RFTN1: variants seen among roughly 807,000 people sequenced by gnomAD.
RFTN1 encodes raftlin, lipid raft linker 1, also known as raftlin.
Under a neutral mutation model 46.5 loss-of-function variants are expected in RFTN1, and 26 were observed. That is an observed-to-expected ratio of 0.56 (90% CI 0.41 to 0.78). The LOEUF is 0.78. RFTN1 is among the 30% of genes least tolerant of loss of function. RFTN1 has a pLI of 0.00. For missense variants in RFTN1, 693 were observed against 718.7 expected, an observed-to-expected ratio of 0.96 and a Z score of 0.41; for synonymous variants, 261 against 284.2, an observed-to-expected ratio of 0.92 and a Z score of 0.82.
rs148308891 is a variant in RFTN1 at position 16,448,357 on chromosome 3, C to CA, written c.146-14321dup. Among the ~76,000 whole-genome samples, 1,743 of 149,694 alleles carry CA rather than the reference C, an allele frequency of 0.012. 38 individuals are homozygous for CA. The highest frequency in any genetic ancestry group is 0.04 in the African/African-American group (1,647 of 40,860). ...TAAACAGATGCATTTTCTTACAGTC[C>CA]AAAAAAAAACATGATCCCTTGTTGA... On this transcript the variant is annotated intron_variant, in intron 2 of 9. Coordinates refer to ENST00000334133, the MANE Select transcript of RFTN1 (RefSeq NM_015150.2). This position sits in a 1 kb window ranked among gnomAD's most constrained non-coding sequence, Gnocchi z 4.1.
Position 16,452,397 on chromosome 3 carries a change from C to T in RFTN1, c.146-18360G>A, listed in dbSNP as rs2075835331. Among the ~76,000 whole-genome samples, 1 of 152,134 alleles carries T rather than the reference C, an allele frequency of 6.6e-6. No homozygotes were observed. The highest frequency in any genetic ancestry group is 2.4e-5 in the African/African-American group (1 of 41,422). The stretch of plus-strand genomic sequence containing the variant: ...TTTGTAAACATCTAAAGTCTCCCTC[C>T]ATCTTCACAATGTTGATTGAAATGC... On this transcript the variant is annotated intron_variant, in intron 2 of 9. Coordinates refer to ENST00000334133, the MANE Select transcript of RFTN1 (RefSeq NM_015150.2). The surrounding 1 kb of genome is among the most constrained non-coding windows in gnomAD (Gnocchi z 6.3).
At chr3:16,476,200 A>G (rs1172113965) in intron 2 of RFTN1, among the ~76,000 whole-genome samples, 1 of 152,234 alleles carries the variant, frequency 6.6e-6, no homozygotes, top group African/African-American at 2.4e-5. Context: ...CTCAAGATGG[A>G]GAAGGCAGAG....
chr3:16,389,742 T>C (rs1281245419), intron 4 of RFTN1, among the ~76,000 whole-genome samples: 1 of 152,206 alleles, frequency 6.6e-6, no homozygotes, highest in Admixed American at 6.5e-5. Context: ...ACAACAATAT[T>C]TCTCATTCCA....
chr3:16,494,652 A>T (rs2076595591), intron 1 of RFTN1, among the ~76,000 whole-genome samples: 1 of 152,242 alleles, frequency 6.6e-6, no homozygotes, highest in Admixed American at 6.5e-5. Context: ...TGGGCACATT[A>T]AGGTGAGCTG....
chr3:16,333,247 A>G (rs1410509917), intron 7 of RFTN1, among the ~76,000 whole-genome samples: 1 of 152,242 alleles, frequency 6.6e-6, no homozygotes, highest in East Asian at 1.9e-4. Flanking sequence ...GTGTACCACA[A>G]AAAGGACACT....
rs1029276153 is a variant in RFTN1 at position 16,479,441 on chromosome 3, T to C, written c.145+14284A>G. Reference sequence around the variant, plus strand: ...GAAACAGTGGTAAGAAAAGAAACAGTTGGATCACCAGTCTGAGGGATATGG... The same window carrying C: ...GAAACAGTGGTAAGAAAAGAAACAGCTGGATCACCAGTCTGAGGGATATGG... On this transcript the variant is annotated intron_variant, in intron 2 of 9. Coordinates refer to ENST00000334133, the MANE Select transcript of RFTN1 (RefSeq NM_015150.2). The surrounding 1 kb of genome is among the most constrained non-coding windows in gnomAD (Gnocchi z 5.1). Among the ~76,000 whole-genome samples the C allele has an allele frequency of 4.6e-5, 7 of 152,236 alleles. No homozygotes were observed. The highest frequency in any genetic ancestry group is 7.3e-5 in the Non-Finnish European group (5 of 68,048).
At position 16,321,424 on chromosome 3, in the gene RFTN1, A is replaced by G. The variant is rs1032860323; in HGVS notation, c.1332+1952T>C. On this transcript the variant is annotated intron_variant, in intron 9 of 9. Transcript: ENST00000334133. The surrounding 1 kb of genome is among the most constrained non-coding windows in gnomAD (Gnocchi z 4.8). Reference sequence around the variant, plus strand: ...GCTTCAGGGAGTGGGGGTGGTCCCAACATCCGGGCTGCAAGAGCTCAGGCA... The same window carrying G: ...GCTTCAGGGAGTGGGGGTGGTCCCAGCATCCGGGCTGCAAGAGCTCAGGCA... Among the ~76,000 whole-genome samples the G allele has an allele frequency of 1.3e-5, 2 of 152,186 alleles. No homozygotes were observed. Among genetic ancestry groups the G allele is most frequent in the Non-Finnish European group, 2.9e-5 (2 of 68,026 alleles).
Position 16,377,720 on chromosome 3 carries a change from C to A in RFTN1, c.824G>T (p.Gly275Val), listed in dbSNP as rs753544914. 6.3e-7 allele frequency: 1 copy of A among 1,588,216 alleles called. No individual in the cohort carries two copies. The highest frequency in any genetic ancestry group is 2.3e-5 in the East Asian group (1 of 44,314). Reference sequence around the variant, plus strand: ...ACTCCCATTGCTGACATACTTACTCCCTGAGAGTGGCTCTTCATGCACCTC... The same window carrying A: ...ACTCCCATTGCTGACATACTTACTCACTGAGAGTGGCTCTTCATGCACCTC... ...PLEVHEEPLS[G>V]KMEIFTLFNK... Residue 275 changes from glycine to valine, a missense_variant and splice_region_variant, in exon 5 of 10, where the codon GGG (glycine) becomes GTG (valine). Transcript: ENST00000334133.
At position 16,433,185 on chromosome 3, in the gene RFTN1, TAA is replaced by T. The variant is rs1553595285; in HGVS notation, c.332+664_332+665del. ...TCCCATCCTCACTGTTTTTTTTTTT[TAA>T]AAAAATTAATATTGTTCCTTTTGAA... On this transcript the variant is annotated intron_variant, in intron 3 of 9. Coordinates refer to ENST00000334133, the MANE Select transcript of RFTN1 (RefSeq NM_015150.2). This position sits in a 1 kb window ranked among gnomAD's most constrained non-coding sequence, Gnocchi z 4.4. 0.021 allele frequency among the ~76,000 whole-genome samples: 3,168 copies of T among 150,214 alleles called. 112 individuals carry two copies. Among genetic ancestry groups the T allele is most frequent in the African/African-American group, 0.073 (2,997 of 40,886 alleles).
rs147518081 is a variant in RFTN1, at chr3:16,337,971, T to C, written c.1147-11095A>G. Among the ~76,000 whole-genome samples, 4,858 of 152,198 alleles carry C rather than the reference T, an allele frequency of 0.032. 126 individuals are homozygous for C. The highest frequency in any genetic ancestry group is 0.082 in the Middle Eastern group (24 of 294). Reference sequence around the variant, plus strand: ...GCCCAGCAGTGCCACCAGCTTGCCCTGGAAGAGAGAGATAAAAACCCACAC... The same window carrying C: ...GCCCAGCAGTGCCACCAGCTTGCCCCGGAAGAGAGAGATAAAAACCCACAC... On this transcript the variant is annotated intron_variant, in intron 7 of 9. Coordinates refer to ENST00000334133, the MANE Select transcript of RFTN1 (RefSeq NM_015150.2). This position sits in a 1 kb window ranked among gnomAD's most constrained non-coding sequence, Gnocchi z 5.0.
chr3:16,472,321 C>T (rs373162174), intron 2 of RFTN1, among the ~76,000 whole-genome samples: 46 of 151,888 alleles, frequency 3.0e-4, no homozygotes, highest in African/African-American at 1.0e-3. Flanking sequence ...TCCCTGTGAC[C>T]GAGTGAAGGG....
chr3:16,359,451 C>G (rs1355431067), intron 6 of RFTN1, among the ~76,000 whole-genome samples: 1 of 152,154 alleles, frequency 6.6e-6, no homozygotes, highest in Non-Finnish European at 1.5e-5. Flanking sequence ...CCTCCTTTAA[C>G]TAGGGTAGGA....
rs2072110225 is a variant in RFTN1 at position 16,351,654 on chromosome 3, C to T, written c.1146+6278G>A. ...TAGGATGCTCATGCCCTTCTGACCT[C>T]ACCAACTGAGCACTTCAGGGGTAAG... is the stretch of plus-strand genomic sequence containing the variant. On this transcript the variant is annotated intron_variant, in intron 7 of 9. Transcript: ENST00000334133. This position sits in a 1 kb window ranked among gnomAD's most constrained non-coding sequence, Gnocchi z 5.4. Among the ~76,000 whole-genome samples the T allele has an allele frequency of 6.6e-6, 1 of 152,146 alleles. No individual in the cohort carries two copies. Among genetic ancestry groups the T allele is most frequent in the Non-Finnish European group, 1.5e-5 (1 of 68,010 alleles).
At chr3:16,454,101 C>T (rs2075864469) in intron 2 of RFTN1, among the ~76,000 whole-genome samples, 2 of 152,222 alleles carry the variant, frequency 1.3e-5, no homozygotes, top group South Asian at 4.1e-4. Context: ...GATGACAAGG[C>T]TGCCACTGTA....
rs34394480 is a variant in RFTN1 at position 16,348,363 on chromosome 3, T to TA, written c.1146+9568dup. Reference sequence around the variant, plus strand: ...CATTATCCAATATGTGTTCTAATTATAAAAAAAAATTAATAGATGTGCCTT... The same window carrying TA: ...CATTATCCAATATGTGTTCTAATTATAAAAAAAAAATTAATAGATGTGCCTT... On this transcript the variant is annotated intron_variant, in intron 7 of 9. Transcript: ENST00000334133. The surrounding 1 kb of genome is among the most constrained non-coding windows in gnomAD (Gnocchi z 6.3). Among the ~76,000 whole-genome samples, 20,926 of 151,506 alleles carry TA rather than the reference T, an allele frequency of 0.14. 1,473 individuals carry two copies. Among genetic ancestry groups the TA allele is most frequent in the Admixed American group, 0.16 (2,477 of 15,196 alleles).
chr3:16,379,281 C>T (rs1039268922), intron 4 of RFTN1, among the ~76,000 whole-genome samples: 3 of 152,232 alleles, frequency 2.0e-5, no homozygotes, highest in African/African-American at 7.2e-5. Context: ...TTTTGTTCCA[C>T]ACTGCGCAAC....
rs567736093 is a variant in RFTN1 at position 16,502,137 on chromosome 3, C to T, written c.-8-8260G>A. Among the ~76,000 whole-genome samples, 6 of 151,746 alleles carry T rather than the reference C, an allele frequency of 4.0e-5. No homozygotes were observed. The South Asian group carries it at 1.2e-3, about 31-fold the overall frequency. On this transcript the variant is annotated intron_variant, in intron 1 of 9. Coordinates refer to ENST00000334133, the MANE Select transcript of RFTN1 (RefSeq NM_015150.2). ...ATAAGAACACTTTGGGAGGCCAAGG[C>T]AGGTGAATCACTTGAGCCCAGGAGT...
chr3:16,328,160 T>C lies in RFTN1; in HGVS notation c.1147-1284A>G, dbSNP rs567466626. Among the ~76,000 whole-genome samples, 5 of 152,320 alleles carry C rather than the reference T, an allele frequency of 3.3e-5. No homozygotes were observed. The East Asian group carries it at 9.6e-4, about 29-fold the overall frequency. ...GCCAGGAACTGAAAAACCTAAGGGC[T>C]CTCTGGCAGGGCCATGGGACTTTGA... On this transcript the variant is annotated intron_variant, in intron 7 of 9. Transcript: ENST00000334133.
At chr3:16,495,351 C>A (rs960893651) in intron 1 of RFTN1, among the ~76,000 whole-genome samples, 2 of 152,216 alleles carry the variant, frequency 1.3e-5, no homozygotes, top group African/African-American at 4.8e-5. Flanking sequence ...GAACACGTAG[C>A]CCGTCAAGAT....
Sources: gnomAD v4.1 joint callset for allele counts (sites outside exome capture counted in the v4.1 genomes callset) on GRCh38, gnomAD v4.1.1 for gene constraint, Gnocchi (gnomAD v3.1) non-coding constraint, MANE v1.5 for transcripts, NCBI Gene and HGNC (gene_info 2026-07-23, HGNC 2026-07-21) for gene names.